Variants in SPTBN1 observed in about 807,000 individuals in gnomAD.
SPTBN1 encodes the protein spectrin beta chain, non-erythrocytic 1.
In SPTBN1, 32 loss-of-function variants were observed where a neutral mutation model predicts 266.4. The observed-to-expected ratio is 0.12, with a 90% CI of 0.09 to 0.16. SPTBN1 has a LOEUF of 0.16. Among genes scored for constraint, SPTBN1 ranks in the 10% least tolerant of loss-of-function variants. The pLI, the probability that SPTBN1 is intolerant of heterozygous loss-of-function variation, is 1.00. For synonymous variants in SPTBN1, 1,336 were observed against 1,162.2 expected, an observed-to-expected ratio of 1.15 and a Z score of -3.04; for missense variants, 2,296 against 3,067.1, an observed-to-expected ratio of 0.75 and a Z score of 5.94.
intron 23 of SPTBN1, 45 bp from the exon 24 acceptor site, chr2:54,647,086 G>T: frequency 6.2e-7 from 1 of 1,613,618 alleles, no homozygotes. Flanking sequence ...AAGGGGTAGG[G>T]CCAGAGGGGA....
intron 2 of SPTBN1, among the ~76,000 whole-genome samples, chr2:54,577,414 C>A (rs1674565770): frequency 6.6e-6 from 1 of 152,136 alleles, no homozygotes; most frequent in South Asian, 2.1e-4. Context: ...AAAATCAGTC[C>A]TGTGGGAAAC....
rs116075818 is a variant in SPTBN1 at position 54,521,304 on chromosome 2, G to C, written c.-47-5068G>C. 1.6e-3 allele frequency among the ~76,000 whole-genome samples: 243 copies of C among 152,312 alleles called. 1 individual carries two copies. The highest frequency in any genetic ancestry group is 5.7e-3 in the African/African-American group (238 of 41,564). On this transcript the variant is annotated intron_variant, in intron 1 of 35. Coordinates refer to ENST00000356805, the MANE Select transcript of SPTBN1 (RefSeq NM_003128.3). ...TTGCTGCTGTTGAGTGCCTAGAAGG[G>C]ACCTTTCCATGATGGCTATGGTGGG...
chr2:54,659,064 A>G (rs1245865423), intron 30 of SPTBN1, 90 bp from the exon 31 acceptor site: 7 of 1,378,000 alleles, frequency 5.1e-6, no homozygotes, highest in African/African-American at 1.4e-5. Flanking sequence ...TTAGCAAACT[A>G]GACAGGAGGA....
intron 1 of SPTBN1, among the ~76,000 whole-genome samples, chr2:54,496,550 AG>A (rs1668982557): frequency 6.6e-6 from 1 of 151,700 alleles, no homozygotes; most frequent in Admixed American, 6.6e-5. Flanking sequence ...TAACTTATTT[AG>A]TCATCAAAAC....
chr2:54,587,270 T>C (rs866207897), intron 2 of SPTBN1, among the ~76,000 whole-genome samples: 1 of 152,240 alleles, frequency 6.6e-6, no homozygotes, highest in Non-Finnish European at 1.5e-5. Context: ...TAGACTAGTA[T>C]AGAATGTAAT....
intron 2 of SPTBN1, among the ~76,000 whole-genome samples, chr2:54,532,160 G>T (rs1020796371): frequency 6.6e-6 from 1 of 152,100 alleles, no homozygotes; most frequent in East Asian, 1.9e-4. Flanking sequence ...GTGGTGGCGG[G>T]CGCCTATAAT....
At chr2:54,489,183 T>C (rs1573255825) in intron 1 of SPTBN1, among the ~76,000 whole-genome samples, 1 of 143,890 alleles carries the variant, frequency 6.9e-6, no homozygotes, top group East Asian at 2.0e-4. Flanking sequence ...AAACCAGGCA[T>C]GGTGGTGTGT....
intron 23 of SPTBN1, 101 bp from the exon 24 acceptor site, chr2:54,647,030 C>T: frequency 6.4e-7 from 1 of 1,563,360 alleles, no homozygotes; most frequent in South Asian, 1.2e-5. Context: ...TTTCTTTCTA[C>T]TGATCCTTCC....
Position 54,618,733 on chromosome 2 carries a change from G to T in SPTBN1, c.763+540G>T, listed in dbSNP as rs748530738. ...TTGCAGGCAGGGGCCTTGTTAGGAG[G>T]CTGTGCTTTGCTTATGAGCAAGTAA... On this transcript the variant is annotated intron_variant, in intron 7 of 35. Coordinates refer to ENST00000356805, the MANE Select transcript of SPTBN1 (RefSeq NM_003128.3). Among the ~76,000 whole-genome samples, 169 of 152,302 alleles carry T rather than the reference G, an allele frequency of 1.1e-3. No homozygotes were observed. In the Middle Eastern group the frequency reaches 0.014, roughly 12 times the overall value.
chr2:54,516,346 G>A (rs1425897425), intron 1 of SPTBN1: 1 of 152,186 alleles, frequency 6.6e-6, no homozygotes, highest in Non-Finnish European at 1.5e-5. Flanking sequence ...GAAAGAGTAA[G>A]CCATCCTCCC....
intron 1 of SPTBN1, among the ~76,000 whole-genome samples, chr2:54,524,932 C>T (rs1470875308): frequency 6.8e-6 from 1 of 147,984 alleles, no homozygotes; most frequent in Non-Finnish European, 1.5e-5. Context: ...TAAAAATAGT[C>T]ACATGACTCT....
intron 2 of SPTBN1, among the ~76,000 whole-genome samples, chr2:54,569,220 A>C (rs1368790485): frequency 1.3e-5 from 2 of 152,056 alleles, no homozygotes; most frequent in Admixed American, 1.3e-4. Flanking sequence ...GGCTGGCAAC[A>C]CTCCAGAACC....
intron 7 of SPTBN1, 72 bp downstream of exon 7, chr2:54,618,265 TTG>T (rs1310394928): frequency 7.7e-7 from 1 of 1,304,792 alleles, no homozygotes; most frequent in African/African-American, 1.5e-5. Flanking sequence ...AAAATCTGTT[TTG>T]TGTCAGTCTG....
At chr2:54,556,274 C>T (rs1268194068) in intron 2 of SPTBN1, among the ~76,000 whole-genome samples, 1 of 152,188 alleles carries the variant, frequency 6.6e-6, no homozygotes, top group African/African-American at 2.4e-5. Context: ...TTATTAAACC[C>T]TTCCCCAGTG....
intron 1 of SPTBN1, among the ~76,000 whole-genome samples, chr2:54,519,375 G>A (rs767905071): frequency 6.6e-6 from 1 of 152,222 alleles, no homozygotes; most frequent in Non-Finnish European, 1.5e-5. Context: ...GTCGGAGGGA[G>A]TGCATGTGGG....
chr2:54,499,357 G>C (rs1298186244), intron 1 of SPTBN1, among the ~76,000 whole-genome samples: 1 of 152,164 alleles, frequency 6.6e-6, no homozygotes, highest in African/African-American at 2.4e-5. Flanking sequence ...ACCCGATGCA[G>C]TTTGTGTAAG....
intron 2 of SPTBN1, among the ~76,000 whole-genome samples, chr2:54,535,878 G>T (rs574306411): frequency 6.6e-6 from 1 of 152,202 alleles, no homozygotes; most frequent in Non-Finnish European, 1.5e-5. Flanking sequence ...GGATGTGGTG[G>T]TGCACACCTG....
intron 1 of SPTBN1, among the ~76,000 whole-genome samples, chr2:54,464,726 G>C (rs1014849187): frequency 3.9e-5 from 6 of 152,144 alleles, no homozygotes; most frequent in Non-Finnish European, 8.8e-5. Flanking sequence ...GTCTTATTCT[G>C]TTGCCCAGGC....
chr2:54,553,904 A>G, intron 2 of SPTBN1, among the ~76,000 whole-genome samples: 1 of 152,194 alleles, frequency 6.6e-6, no homozygotes, highest in Non-Finnish European at 1.5e-5. Flanking sequence ...GCCTCTTAGA[A>G]CAAACAGAGG....
Sources: allele counts gnomAD v4.1 joint callset (sites outside exome capture counted in the v4.1 genomes callset), GRCh38; gene constraint gnomAD v4.1.1; transcripts MANE v1.5; gene names NCBI Gene and HGNC (gene_info 2026-07-23, HGNC 2026-07-21).